SAG: variants seen among roughly 807,000 people sequenced by gnomAD.
SAG encodes the protein S-antigen visual arrestin, also known as S-arrestin.
A neutral mutation model predicts 55.0 loss-of-function variants in SAG; 45 were observed. The ratio of observed to expected loss-of-function variants is 0.82; its 90% CI spans 0.64 to 1.05. The LOEUF (loss-of-function observed/expected upper bound fraction) is 1.05. SAG is among the 50% of genes least tolerant of loss of function. The pLI, the probability that SAG is intolerant of heterozygous loss-of-function variation, is 0.00. For missense variants in SAG, 455 were observed against 512.1 expected (o/e 0.89, Z 1.08); for synonymous variants, 189 against 197.4 (o/e 0.96, Z 0.36).
At chr2:233,313,766 G>T (rs1047576277) in intron 2 of SAG, among the ~76,000 whole-genome samples, 3 of 142,198 alleles carry the variant, frequency 2.1e-5, no homozygotes, top group African/African-American at 8.0e-5. Flanking sequence ...AGAGGAGGGG[G>T]TATCACTTTG....
chr2:233,329,385 G>C (rs1700675894), intron 8 of SAG, 108 bp from the exon 9 acceptor site: 1 of 717,888 alleles, frequency 1.4e-6, no homozygotes, highest in African/African-American at 1.8e-5. Flanking sequence ...CTTAAATTCT[G>C]CCGCTTTTAT....
intron 7 of SAG, chr2:233,328,176 C>G: frequency 3.1e-6 from 1 of 327,224 alleles, no homozygotes; most frequent in East Asian, 5.2e-5. Context: ...CACACCTTAG[C>G]CTTGCTGACA....
chr2:233,318,870 C>A, intron 4 of SAG, 75 bp downstream of exon 4: 2 of 1,289,764 alleles, frequency 1.6e-6, no homozygotes, highest in Non-Finnish European at 2.3e-6. Context: ...TGGGAAGGGG[C>A]ATTTACATGG....
chr2:233,329,272 T>G, intron 8 of SAG: 1 of 509,192 alleles, frequency 2.0e-6, no homozygotes. Context: ...CCTCCTCCGA[T>G]GTGATGATCG....
rs1452683996 is a variant in SAG at position 233,334,831 on chromosome 2, T to C, written c.807-131T>C. The C allele has an allele frequency of 5.6e-6, 6 of 1,064,238 alleles. No individual in the cohort carries two copies. The East Asian group carries it at 7.2e-5, about 13-fold the overall frequency. 65.9% of individuals were successfully genotyped at this position (1,064,238 alleles called of 1,614,324 possible). On this transcript the variant is annotated intron_variant, in intron 10 of 15. Transcript: ENST00000409110. ...CTTCTCGTAAGTCAAGTTCCCAGGC[T>C]CTTGAACCCACCTTCCCAGGAGGTC...
intron 14 of SAG, 130 bp from the exon 15 acceptor site, chr2:233,346,273 G>T (rs1310011502): frequency 2.1e-6 from 2 of 935,960 alleles, no homozygotes; most frequent in African/African-American, 1.6e-5. Context: ...ATGTATCTAG[G>T]CCTTATCTCT....
intron 9 of SAG, among the ~76,000 whole-genome samples, chr2:233,330,092 G>C (rs62195069): frequency 6.6e-6 from 1 of 152,194 alleles, no homozygotes; most frequent in South Asian, 2.1e-4. Flanking sequence ...TCCTACAGGG[G>C]AGGTGCCTTC....
intron 12 of SAG, among the ~76,000 whole-genome samples, chr2:233,339,075 A>T (rs1289386365): frequency 6.6e-6 from 1 of 152,238 alleles, no homozygotes; most frequent in Non-Finnish European, 1.5e-5. Flanking sequence ...TATCCTTCAG[A>T]AAAGAATAAC....
intron 11 of SAG, 181 bp from the exon 12 acceptor site, chr2:233,338,495 A>C (rs1474788577): frequency 3.2e-6 from 2 of 616,132 alleles, no homozygotes; most frequent in Non-Finnish European, 5.9e-6. Context: ...CAGTGCGTGC[A>C]AGGAGTCCCC....
rs1700595016 is a variant in SAG at position 233,327,365 on chromosome 2, A to G, written c.512+168A>G. On this transcript the variant is annotated intron_variant, in intron 7 of 15. Coordinates refer to ENST00000409110, the MANE Select transcript of SAG (RefSeq NM_000541.5). The stretch of plus-strand genomic sequence containing the variant: ...AAAGGTTGATCATTTTTGGGGAAAA[A>G]AAAGAAAACAAGAAAATGACAGGGA... 3.2e-5 allele frequency: 17 copies of G among 531,444 alleles called. No individual in the cohort carries two copies. In the South Asian group the frequency reaches 4.7e-4, roughly 15 times the overall value. The allele number at this position is 531,444 out of a possible 1,614,324, so 32.9% of individuals were successfully genotyped here. A position where few individuals can be genotyped will look rare whatever the true frequency, so the allele number is the denominator to read the frequency against.
intron 9 of SAG, 69 bp downstream of exon 9, chr2:233,329,646 C>G: frequency 9.2e-7 from 1 of 1,087,502 alleles, no homozygotes; most frequent in Non-Finnish European, 1.4e-6. Flanking sequence ...CCTGAGAGGT[C>G]ACTTCTCTGG....
chr2:233,313,706 C>T (rs941376039), intron 2 of SAG, among the ~76,000 whole-genome samples: 42 of 138,694 alleles, frequency 3.0e-4, no homozygotes, highest in African/African-American at 1.1e-3. Context: ...CCACCTTGCC[C>T]GGGCTAATCT....
At chr2:233,339,569 T>C (rs1393076670) in intron 12 of SAG, among the ~76,000 whole-genome samples, 14 of 149,416 alleles carry the variant, frequency 9.4e-5, no homozygotes, top group Non-Finnish European at 1.9e-4. Context: ...CTGTGGATAG[T>C]GCATAAAAGG....
intron 6 of SAG, among the ~76,000 whole-genome samples, chr2:233,323,267 CA>C (rs1328783941): frequency 6.6e-6 from 1 of 152,186 alleles, no homozygotes; most frequent in Non-Finnish European, 1.5e-5. Context: ...CCACACTGAC[CA>C]GGCTGGTCTC....
intron 3 of SAG, among the ~76,000 whole-genome samples, chr2:233,317,752 T>C (rs1318162331): frequency 2.0e-5 from 3 of 152,232 alleles, no homozygotes; most frequent in African/African-American, 7.2e-5. Flanking sequence ...ATCCATTCAA[T>C]GGAGTAATAC....
At chr2:233,308,526 A>G (rs1339466819) in intron 1 of SAG, among the ~76,000 whole-genome samples, 3 of 151,858 alleles carry the variant, frequency 2.0e-5, no homozygotes, top group Admixed American at 6.6e-5. Context: ...TGGCCTCTTA[A>G]TTGTAAAACA....
At position 233,328,486 on chromosome 2, in the gene SAG, T is replaced by C; in HGVS notation, c.521T>C (p.Val174Ala). 1.9e-6 allele frequency: 3 copies of C among 1,613,396 alleles called. No homozygotes were observed. Among genetic ancestry groups the C allele is most frequent in the East Asian group, 4.5e-5 (2 of 44,878 alleles). ...GTGGCTGTTTCCCACAGGAGCTCCG[T>C]GCGATTACTGATCCGCAAAGTACAG... is the stretch of plus-strand genomic sequence containing the variant. ...EEDKIPKKSSVRLLIRKVQHA... is the reference protein window; with the variant it reads ...EEDKIPKKSSARLLIRKVQHA... The change falls in exon 8 of 16, where the codon GTG becomes GCG. Residue 174 changes from valine to alanine, a missense_variant. By Grantham distance (64) the Val-to-Ala change is moderately conservative. Coordinates refer to ENST00000409110, the MANE Select transcript of SAG (RefSeq NM_000541.5).
At chr2:233,341,146 T>G (rs1030824953) in intron 13 of SAG, among the ~76,000 whole-genome samples, 6 of 152,108 alleles carry the variant, frequency 3.9e-5, no homozygotes, top group Non-Finnish European at 7.4e-5. Flanking sequence ...TGTTTTATTT[T>G]ATTTTATTTT....
Position 233,319,460 on chromosome 2 carries a change from G to C in SAG, c.181+665G>C. 3 of 447,838 alleles carry C rather than the reference G, an allele frequency of 6.7e-6. No homozygotes were observed. Among genetic ancestry groups the C allele is most frequent in the Non-Finnish European group, 9.0e-6 (3 of 333,596 alleles). The allele number at this position is 447,838 out of a possible 1,614,324, so 27.7% of individuals were successfully genotyped here. ...ATTAGAACAGATTCCAGCTATCCTT[G>C]TGATAATGTCACTGACTCAGTTCCA... On this transcript the variant is annotated intron_variant, in intron 4 of 15. Transcript: ENST00000409110. The surrounding 1 kb of genome is among the most constrained non-coding windows in gnomAD (Gnocchi z 4.4).
Sources: gnomAD v4.1 joint callset for allele counts (sites outside exome capture counted in the v4.1 genomes callset) on GRCh38, gnomAD v4.1.1 for gene constraint, Gnocchi (gnomAD v3.1) non-coding constraint, MANE v1.5 for transcripts, NCBI Gene and HGNC (gene_info 2026-07-23, HGNC 2026-07-21) for gene names.